Variants in KYAT3 observed in about 807,000 individuals in gnomAD.
KYAT3 encodes the protein kynurenine--oxoglutarate transaminase 3.
Under a neutral mutation model 59.0 loss-of-function variants are expected in KYAT3, and 50 were observed. The ratio of observed to expected loss-of-function variants is 0.85; its 90% CI spans 0.68 to 1.07. KYAT3 has a LOEUF of 1.07. Among genes scored for constraint, KYAT3 ranks in the 50% least tolerant of loss-of-function variants. The pLI is 0.00. For synonymous variants in KYAT3, 148 were observed against 177.0 expected, an observed-to-expected ratio of 0.84 and a Z score of 1.30; for missense variants, 497 against 533.3, an observed-to-expected ratio of 0.93 and a Z score of 0.67.
the KYAT3 span, chr1:88,923,990 A>C: frequency 9.7e-4 from 157 of 161,700 alleles, no homozygotes; most frequent in Non-Finnish European, 1.6e-3. Context: ...AAAGACCCAA[A>C]ACTGGTGCCT....
chr1:88,982,637 CAA>C, intron 2 of KYAT3: 6 of 1,571,648 alleles, frequency 3.8e-6, no homozygotes, highest in Non-Finnish European at 5.2e-6. Flanking sequence ...GATTTTGGTC[CAA>C]AGTTTTGTTT....
At chr1:88,935,580 G>T (rs1675004108), downstream of KYAT3, among the ~76,000 whole-genome samples, 1 of 152,196 alleles carries the variant, frequency 6.6e-6, no homozygotes, top group African/African-American at 2.4e-5. Context: ...AGTATGGAAA[G>T]CCTGGCTAAT....
intron 11 of KYAT3, among the ~76,000 whole-genome samples, chr1:88,947,837 C>T (rs1435503781): frequency 6.6e-6 from 1 of 152,120 alleles, no homozygotes; most frequent in Admixed American, 6.5e-5. Context: ...GCCTGTAATC[C>T]CAGCACTTTG....
At chr1:88,964,791 G>T (rs1676277222) in intron 5 of KYAT3, 38 bp downstream of exon 5, 1 of 1,425,772 alleles carries the variant, frequency 7.0e-7, no homozygotes, top group South Asian at 1.3e-5. Context: ...AATGATAATT[G>T]ATTAATATGG....
chr1:88,978,076 A>G (rs988732676), intron 2 of KYAT3, among the ~76,000 whole-genome samples: 2 of 152,072 alleles, frequency 1.3e-5, no homozygotes, highest in African/African-American at 4.8e-5. Context: ...TATATAATAT[A>G]TACACATATG....
downstream of KYAT3, among the ~76,000 whole-genome samples, chr1:88,933,922 G>T (rs377087171): frequency 6.6e-6 from 1 of 152,054 alleles, no homozygotes; most frequent in African/African-American, 2.4e-5. Flanking sequence ...CTAACCTGTC[G>T]GCCTTGGACA....
At chr1:88,926,495 T>C in the KYAT3 span, among the ~76,000 whole-genome samples, 1 of 152,144 alleles carries the variant, frequency 6.6e-6, no homozygotes, top group African/African-American at 2.4e-5. Context: ...TCTTTACTTT[T>C]TGTATAGACA....
intron 8 of KYAT3, among the ~76,000 whole-genome samples, chr1:88,958,418 TAAAAAAA>T (rs34576826): frequency 2.2e-5 from 3 of 138,974 alleles, no homozygotes; most frequent in African/African-American, 5.4e-5. Flanking sequence ...CTCATCTTTG[TAAAAAAA>T]AAAAAAAAAA....
chr1:88,926,391 G>A, the KYAT3 span, among the ~76,000 whole-genome samples: 1 of 152,168 alleles, frequency 6.6e-6, no homozygotes, highest in Non-Finnish European at 1.5e-5. Context: ...GGCGCTCACT[G>A]CAACTTCAAC....
At position 88,968,783 on chromosome 1, in the gene KYAT3, A is replaced by G. The variant is rs997260304; in HGVS notation, c.190T>C (p.Ser64Pro). ...IEFTKLAADP[S>P]VVNLGQGFPD... ...AAGCCTTGGCCAAGATTCACAACAG[A>G]AGGGTCTGCAGCCAATTTGGTAAAT... The change falls in exon 4 of 14, where the codon TCT becomes CCT. Residue 64 changes from serine to proline, a missense_variant. This residue lies in a region of KYAT3 where 469 missense variants were observed against 479.1 expected (regional missense o/e 0.98). Transcript: ENST00000260508. 6.3e-7 allele frequency: 1 copy of G among 1,593,388 alleles called. No individual in the cohort carries two copies. The highest frequency in any genetic ancestry group is 8.5e-7 in the Non-Finnish European group (1 of 1,174,712).
intron 5 of KYAT3, among the ~76,000 whole-genome samples, chr1:88,962,979 CCTCT>C (rs1163396932): frequency 1.3e-5 from 2 of 150,126 alleles, no homozygotes; most frequent in Non-Finnish European, 2.9e-5. Context: ...GTGAACAATT[CCTCT>C]CTCTCTTTTT....
In KYAT3 at chr1:88,962,065, C is replaced by T. The variant is rs1676167354; in HGVS notation, c.534G>A (p.Leu178=). The part of the protein sequence containing the change: ...MAGATPVFIP[L]RSKPVYGKRW... ...ACCATACTGGCAAACTTACAGATCT[C>T]AGGGGAATAAAAACAGGTGTTGCTC... Residue 178 remains leucine (L), a synonymous_variant, in exon 6 of 14, where the codon CTG becomes CTA. Coordinates refer to ENST00000260508, the MANE Select transcript of KYAT3 (RefSeq NM_001008661.3). 6.2e-7 allele frequency: 1 copy of T among 1,612,822 alleles called. No homozygotes were observed.
intron 2 of KYAT3, among the ~76,000 whole-genome samples, chr1:88,974,412 T>G (rs1460514107): frequency 6.6e-6 from 1 of 152,016 alleles, no homozygotes; most frequent in African/African-American, 2.4e-5. Flanking sequence ...ATTCCCCTGT[T>G]GCTGGGCATG....
chr1:88,958,745 T>C (rs1352760796), intron 8 of KYAT3, among the ~76,000 whole-genome samples: 4 of 152,240 alleles, frequency 2.6e-5, no homozygotes, highest in African/African-American at 4.8e-5. Flanking sequence ...GATTTTTATA[T>C]TGGCTTCTAA....
chr1:88,952,105 C>A (rs113325387), intron 10 of KYAT3, among the ~76,000 whole-genome samples: 2 of 152,230 alleles, frequency 1.3e-5, no homozygotes, highest in Non-Finnish European at 1.5e-5. Context: ...AGCTGAAGAA[C>A]CGTAGGATAA....
At chr1:88,928,576 C>CACTT in the KYAT3 span, among the ~76,000 whole-genome samples, 2 of 152,316 alleles carry the variant, frequency 1.3e-5, no homozygotes, top group South Asian at 4.1e-4. Context: ...TCAAGGGAAT[C>CACTT]ACTGGAAGGC....
At chr1:88,942,868 C>T in intron 13 of KYAT3, 137 bp downstream of exon 13, 4 of 672,688 alleles carry the variant, frequency 5.9e-6, no homozygotes, top group Non-Finnish European at 1.0e-5. Flanking sequence ...AGCCAGTAAG[C>T]AGTTAATTTT....
chr1:88,980,254 C>T (rs1677016394), intron 2 of KYAT3: 1 of 152,500 alleles, frequency 6.6e-6, no homozygotes, highest in Admixed American at 6.5e-5. Flanking sequence ...ATACATCTGT[C>T]AAAATAACCA....
chr1:88,932,625 T>A (rs1674931919), downstream of KYAT3, among the ~76,000 whole-genome samples: 1 of 152,158 alleles, frequency 6.6e-6, no homozygotes. Flanking sequence ...CCCAAGTAGC[T>A]GGGACTATGG....
Sources: allele counts gnomAD v4.1 joint callset (sites outside exome capture counted in the v4.1 genomes callset), GRCh38; gene constraint gnomAD v4.1.1; regional missense constraint gnomAD v4.1.1; transcripts MANE v1.5; gene names NCBI Gene and HGNC (gene_info 2026-07-23, HGNC 2026-07-21).